Variants in SGCZ observed in about 807,000 individuals in gnomAD.
SGCZ encodes the protein zeta-sarcoglycan.
A neutral mutation model predicts 41.3 loss-of-function variants in SGCZ; 40 were observed. That is an observed-to-expected ratio of 0.97 (90% CI 0.75 to 1.26). The LOEUF is 1.26. Ranked by LOEUF, SGCZ falls within the 50% of genes most tolerant of loss-of-function variation. The pLI is 0.00. For synonymous variants in SGCZ, 206 were observed against 137.5 expected (o/e 1.50, Z -3.49); for missense variants, 552 against 369.8 (o/e 1.49, Z -4.04).
chr8:14,635,047 T>C (rs1370351836), intron 1 of SGCZ, among the ~76,000 whole-genome samples: 1 of 148,132 alleles, frequency 6.8e-6, no homozygotes. Context: ...TGTTGATTTA[T>C]ATTGAAATAG....
intron 2 of SGCZ, among the ~76,000 whole-genome samples, chr8:14,527,898 C>T (rs1239085470): frequency 6.6e-6 from 1 of 151,558 alleles, no homozygotes; most frequent in Non-Finnish European, 1.5e-5. Context: ...TAAAATAGTC[C>T]AAAAAAAGTG....
At chr8:14,884,450 C>T (rs73666913) in intron 1 of SGCZ, among the ~76,000 whole-genome samples, 11,835 of 151,358 alleles carry the variant, frequency 0.078, 614 homozygotes, top group African/African-American at 0.14. Flanking sequence ...AAATAGAATC[C>T]TCATTCTTAG....
chr8:15,030,980 G>C (rs939539377), intron 1 of SGCZ, among the ~76,000 whole-genome samples: 2 of 152,044 alleles, frequency 1.3e-5, no homozygotes, highest in Non-Finnish European at 2.9e-5. Context: ...TATATATGTA[G>C]ACAAGTTTCC....
intron 1 of SGCZ, among the ~76,000 whole-genome samples, chr8:15,232,651 A>G (rs1801981446): frequency 7.2e-6 from 1 of 138,526 alleles, no homozygotes; most frequent in South Asian, 2.2e-4. Context: ...ATGTGTGTGT[A>G]TATATATACA....
At chr8:15,150,119 C>A (rs1799138123) in intron 1 of SGCZ, among the ~76,000 whole-genome samples, 1 of 152,014 alleles carries the variant, frequency 6.6e-6, no homozygotes, top group Non-Finnish European at 1.5e-5. Flanking sequence ...GATTTTTGAG[C>A]GATTTTCATT....
chr8:14,420,970 G>A (rs532674323), intron 2 of SGCZ, among the ~76,000 whole-genome samples: 1 of 152,126 alleles, frequency 6.6e-6, no homozygotes, highest in South Asian at 2.1e-4. Flanking sequence ...TTTAGAGAGG[G>A]ATCACACTAT....
At chr8:14,168,939 C>G (rs73524156) in intron 4 of SGCZ, among the ~76,000 whole-genome samples, 7,578 of 152,148 alleles carry the variant, frequency 0.05, 404 homozygotes, top group African/African-American at 0.13. Context: ...ATTTAATCCT[C>G]ATAACAATCA....
At chr8:14,819,656 C>A (rs1402782292) in intron 1 of SGCZ, among the ~76,000 whole-genome samples, 1 of 152,182 alleles carries the variant, frequency 6.6e-6, no homozygotes, top group East Asian at 1.9e-4. Context: ...TGCTCAAAAA[C>A]AATAGCTCCA....
chr8:14,090,890 C>T (rs1018814613), intron 7 of SGCZ, among the ~76,000 whole-genome samples: 3 of 152,000 alleles, frequency 2.0e-5, no homozygotes, highest in African/African-American at 4.8e-5. Flanking sequence ...TCATACAATA[C>T]GCTTAAGGGG....
intron 4 of SGCZ, among the ~76,000 whole-genome samples, chr8:14,228,703 G>A (rs571132380): frequency 6.6e-6 from 1 of 151,926 alleles, no homozygotes; most frequent in Non-Finnish European, 1.5e-5. Flanking sequence ...TTTACAATAT[G>A]TCTTAAAAGA....
At chr8:14,278,846 C>T (rs535162404) in intron 3 of SGCZ, among the ~76,000 whole-genome samples, 85 of 152,084 alleles carry the variant, frequency 5.6e-4, no homozygotes, top group African/African-American at 1.9e-3. Flanking sequence ...ACTCAAAACA[C>T]GCACAGAAAC....
intron 1 of SGCZ, among the ~76,000 whole-genome samples, chr8:15,111,344 G>C (rs1807044801): frequency 2.0e-5 from 3 of 152,150 alleles, no homozygotes; most frequent in Admixed American, 6.5e-5. Flanking sequence ...CAGATGAAGA[G>C]GGAAAGTGCC....
chr8:14,325,722 A>G (rs1802072898), intron 2 of SGCZ, among the ~76,000 whole-genome samples: 1 of 57,184 alleles, frequency 1.7e-5, no homozygotes, highest in Non-Finnish European at 3.2e-5. Flanking sequence ...ATCTGTATAC[A>G]CACACACACA....
At chr8:15,097,842 G>GTGTGTA (rs1437050688) in intron 1 of SGCZ, among the ~76,000 whole-genome samples, 2 of 21,858 alleles carry the variant, frequency 9.1e-5, no homozygotes, top group African/African-American at 1.7e-4. Flanking sequence ...ATACGTGTGT[G>GTGTGTA]TATATATATA....
chr8:14,231,316 C>A (rs1354524344), intron 4 of SGCZ, among the ~76,000 whole-genome samples: 1 of 151,534 alleles, frequency 6.6e-6, no homozygotes, highest in Non-Finnish European at 1.5e-5. Flanking sequence ...TGGAGGTGGG[C>A]AGAGGGGCAC....
At chr8:14,102,965 TTTAATGAAAATTG>T (rs1275761712) in intron 6 of SGCZ, among the ~76,000 whole-genome samples, 1 of 152,154 alleles carries the variant, frequency 6.6e-6, no homozygotes, top group Non-Finnish European at 1.5e-5. Context: ...ACATGAATGC[TTTAATGAAAATTG>T]TTAATATTGC....
intron 1 of SGCZ, among the ~76,000 whole-genome samples, chr8:14,695,426 T>A (rs1157595050): frequency 6.6e-6 from 1 of 152,118 alleles, no homozygotes; most frequent in Non-Finnish European, 1.5e-5. Flanking sequence ...GGAAACTTTA[T>A]CTCATGTGTC....
rs1021385410 is a variant in SGCZ, at chr8:14,250,726, C to T, written c.337-13047G>A. ...TCGTTTGTTATTGGAGTTGGCCTGA[C>T]CTGACAGAACAGCCCTTGCTCTCCT... On this transcript the variant is annotated intron_variant, in intron 3 of 7. Transcript: ENST00000382080. Among the ~76,000 whole-genome samples the T allele has an allele frequency of 6.6e-5, 10 of 152,106 alleles. 1 individual carries two copies. Among genetic ancestry groups the T allele is most frequent in the Non-Finnish European group, 1.5e-5 (1 of 68,016 alleles).
chr8:14,306,802 A>C lies in SGCZ; in HGVS notation c.336+17301T>G, dbSNP rs906965277. 5.9e-5 allele frequency among the ~76,000 whole-genome samples: 9 copies of C among 152,246 alleles called. No individual in the cohort carries two copies. In the East Asian group the frequency reaches 1.5e-3, roughly 26 times the overall value. On this transcript the variant is annotated intron_variant, in intron 3 of 7. Coordinates refer to ENST00000382080, the MANE Select transcript of SGCZ (RefSeq NM_139167.4). The stretch of plus-strand genomic sequence containing the variant: ...TGTGGTAAATATCAGTATTAAATTC[A>C]GGAAAACTTATAAAAAGAATGGATG...
Sources: allele counts gnomAD v4.1 joint callset (sites outside exome capture counted in the v4.1 genomes callset), GRCh38; gene constraint gnomAD v4.1.1; transcripts MANE v1.5; gene names NCBI Gene and HGNC (gene_info 2026-07-23, HGNC 2026-07-21).